Variants in CAST observed in about 807,000 individuals in gnomAD.
CAST encodes calpastatin.
In CAST, 76 loss-of-function variants were observed where a neutral mutation model predicts 119.6. That is an observed-to-expected ratio of 0.64 (90% CI 0.53 to 0.77). CAST has a LOEUF of 0.77. CAST is among the 30% of genes least tolerant of loss of function. The pLI is 0.00. For synonymous variants in CAST, 319 were observed against 331.6 expected (o/e 0.96, Z 0.41); for missense variants, 953 against 946.5 (o/e 1.01, Z -0.09).
At chr5:96,293,591 G>C in the CAST span, among the ~76,000 whole-genome samples, 1 of 150,956 alleles carries the variant, frequency 6.6e-6, no homozygotes, top group African/African-American at 2.4e-5. Flanking sequence ...ATTCTTTTGT[G>C]TTGTGAGTTC....
chr5:96,592,101 A>G lies in CAST; in HGVS notation c.60+62221A>G, dbSNP rs149156873. Among the ~76,000 whole-genome samples the G allele has an allele frequency of 9.5e-4, 144 of 152,354 alleles. 2 individuals carry two copies. Among genetic ancestry groups the G allele is most frequent in the Non-Finnish European group, 1.8e-3 (121 of 68,028 alleles). On this transcript the variant is annotated intron_variant, in intron 1 of 11. Coordinates refer to the CAST transcript ENST00000505143. ...GAAGGAATGGCTTAGAAGTTGATAT[A>G]AGAACCCAGCTATGGCCGGGTGCGG...
chr5:96,236,111 G>A, the CAST span, among the ~76,000 whole-genome samples: 1 of 151,654 alleles, frequency 6.6e-6, no homozygotes, highest in African/African-American at 2.4e-5. Flanking sequence ...CTGTCTGTCT[G>A]TCTATCTATC....
the CAST span, among the ~76,000 whole-genome samples, chr5:96,208,124 G>A: frequency 4.8e-5 from 7 of 145,932 alleles, no homozygotes; most frequent in Non-Finnish European, 1.0e-4. Context: ...AATAGCCTCT[G>A]ATTTTTTTTT....
chr5:96,588,151 T>C (rs1746890698), intron 1 of CAST, among the ~76,000 whole-genome samples: 1 of 151,160 alleles, frequency 6.6e-6, no homozygotes, highest in African/African-American at 2.4e-5. Flanking sequence ...ATGGATGTTA[T>C]AAGCCATGTT....
At chr5:96,614,937 A>G (rs1477253368) in intron 1 of CAST, among the ~76,000 whole-genome samples, 2 of 152,198 alleles carry the variant, frequency 1.3e-5, no homozygotes, top group Non-Finnish European at 2.9e-5. Context: ...CGCTGCCTTG[A>G]GTGAGCTGTG....
chr5:96,543,531 G>A (rs1048724247), intron 1 of CAST, among the ~76,000 whole-genome samples: 8 of 152,076 alleles, frequency 5.3e-5, no homozygotes, highest in African/African-American at 9.6e-5. Context: ...CATGTACCCC[G>A]GAACTTAAAG....
At chr5:96,056,922 A>C in the CAST span, among the ~76,000 whole-genome samples, 1 of 152,096 alleles carries the variant, frequency 6.6e-6, no homozygotes, top group Admixed American at 6.6e-5. Context: ...CTATTACAAA[A>C]ATTTTTTTAG....
chr5:96,695,365 C>T (rs185950548), intron 2 of CAST, among the ~76,000 whole-genome samples: 119 of 152,210 alleles, frequency 7.8e-4, no homozygotes, highest in Non-Finnish European at 2.1e-4. Context: ...ATTATAGATA[C>T]TGTTTTCAGC....
the CAST span, among the ~76,000 whole-genome samples, chr5:95,998,050 T>C: frequency 7.0e-6 from 1 of 142,160 alleles, no homozygotes; most frequent in African/African-American, 2.7e-5. Flanking sequence ...GTCCATGTAA[T>C]GGAATACTGA....
At chr5:96,345,613 C>T in the CAST span, among the ~76,000 whole-genome samples, 1 of 152,132 alleles carries the variant, frequency 6.6e-6, no homozygotes, top group East Asian at 1.9e-4. Flanking sequence ...CTGGGTATCA[C>T]TGGCTCAGGG....
At chr5:96,485,262 T>G in the CAST span, among the ~76,000 whole-genome samples, 7 of 152,150 alleles carry the variant, frequency 4.6e-5, no homozygotes, top group Non-Finnish European at 2.9e-5. Context: ...AAGTCAATGT[T>G]GCCCAAGTTG....
intron 1 of CAST, among the ~76,000 whole-genome samples, chr5:96,635,703 T>C (rs1466078911): frequency 1.3e-5 from 2 of 152,238 alleles, no homozygotes; most frequent in African/African-American, 4.8e-5. Flanking sequence ...TCAATGTTCA[T>C]AGCCAATTTC....
the CAST span, among the ~76,000 whole-genome samples, chr5:96,276,199 G>C: frequency 1.3e-5 from 2 of 152,124 alleles, no homozygotes; most frequent in African/African-American, 2.4e-5. Flanking sequence ...CCCTCTCCTT[G>C]TCAAGCCACC....
At chr5:96,210,599 A>G in the CAST span, among the ~76,000 whole-genome samples, 5 of 152,176 alleles carry the variant, frequency 3.3e-5, no homozygotes, top group East Asian at 7.7e-4. Context: ...TAGCTACATA[A>G]TAAGTCTTGA....
At chr5:96,615,152 C>G (rs1402770772) in intron 1 of CAST, among the ~76,000 whole-genome samples, 1 of 152,160 alleles carries the variant, frequency 6.6e-6, no homozygotes, top group Non-Finnish European at 1.5e-5. Context: ...ATAAAACAGG[C>G]TTTGTGTTAG....
chr5:96,566,871 G>A (rs1561418733), intron 1 of CAST, among the ~76,000 whole-genome samples: 1 of 152,218 alleles, frequency 6.6e-6, no homozygotes, highest in Non-Finnish European at 1.5e-5. Context: ...TGGTCATTGA[G>A]TTTGTAAAAC....
At chr5:96,330,143 A>T in the CAST span, among the ~76,000 whole-genome samples, 1,183 of 152,344 alleles carry the variant, frequency 7.8e-3, 17 homozygotes, top group African/African-American at 0.027. Flanking sequence ...GAGATATTGC[A>T]TAGTTGAACC....
At chr5:96,051,898 T>C in the CAST span, among the ~76,000 whole-genome samples, 4 of 152,072 alleles carry the variant, frequency 2.6e-5, no homozygotes, top group African/African-American at 9.7e-5. Flanking sequence ...CACAAAAGGA[T>C]TGAGTAAAAA....
At chr5:96,191,313 C>G in the CAST span, among the ~76,000 whole-genome samples, 1 of 152,176 alleles carries the variant, frequency 6.6e-6, no homozygotes, top group Non-Finnish European at 1.5e-5. Flanking sequence ...CCAATATTAA[C>G]AGACACTTGA....
Sources: gnomAD v4.1 joint callset for allele counts (sites outside exome capture counted in the v4.1 genomes callset) on GRCh38, gnomAD v4.1.1 for gene constraint, MANE v1.5 for transcripts, NCBI Gene and HGNC (gene_info 2026-07-23, HGNC 2026-07-21) for gene names.